Variants in TBCE observed in about 807,000 individuals in gnomAD.
TBCE encodes tubulin-specific chaperone E.
Under a neutral mutation model 77.0 loss-of-function variants are expected in TBCE, and 53 were observed. The observed-to-expected ratio is 0.69, with a 90% CI of 0.55 to 0.87. TBCE has a LOEUF of 0.87. TBCE is among the 40% of genes least tolerant of loss of function. The pLI, the probability that TBCE is intolerant of heterozygous loss-of-function variation, is 0.00. For missense variants in TBCE, 624 were observed against 622.4 expected (o/e 1.00, Z -0.03); for synonymous variants, 235 against 241.3 (o/e 0.97, Z 0.24).
At chr1:235,377,470 C>T (rs187691730) in intron 1 of TBCE, among the ~76,000 whole-genome samples, 12 of 152,204 alleles carry the variant, frequency 7.9e-5, no homozygotes, top group South Asian at 4.2e-4. Flanking sequence ...TGAGCCACCG[C>T]GCCCAGCCTA....
chr1:235,446,200 G>A (rs1351041468), intron 15 of TBCE, among the ~76,000 whole-genome samples: 1 of 151,480 alleles, frequency 6.6e-6, no homozygotes, highest in Admixed American at 6.6e-5. Flanking sequence ...TTTTGAGACG[G>A]AGTCTCATTC....
intron 6 of TBCE, 174 bp from the exon 7 acceptor site, chr1:235,430,531 G>C (rs1260053337): frequency 5.6e-6 from 3 of 533,272 alleles, no homozygotes; most frequent in Middle Eastern, 5.5e-4. Flanking sequence ...TAAAAATTAG[G>C]TAGTCTTGAT....
At chr1:235,375,557 A>C (rs983556283) in intron 1 of TBCE, among the ~76,000 whole-genome samples, 3 of 152,146 alleles carry the variant, frequency 2.0e-5, no homozygotes, top group African/African-American at 7.2e-5. Flanking sequence ...GTGGGCCAGT[A>C]ACAGCATCAA....
chr1:235,405,237 A>T (rs543315184), intron 3 of TBCE, among the ~76,000 whole-genome samples: 5 of 151,778 alleles, frequency 3.3e-5, no homozygotes, highest in Non-Finnish European at 7.4e-5. Flanking sequence ...TGCTGAGATT[A>T]TAGGCATGAG....
At chr1:235,396,296 G>C (rs1678714793) in intron 2 of TBCE, among the ~76,000 whole-genome samples, 1 of 152,014 alleles carries the variant, frequency 6.6e-6, no homozygotes, top group African/African-American at 2.4e-5. Flanking sequence ...CTGACCTCAT[G>C]ATCTGCCCGC....
chr1:235,405,160 G>A (rs950931784), intron 3 of TBCE, among the ~76,000 whole-genome samples: 1 of 151,048 alleles, frequency 6.6e-6, no homozygotes, highest in East Asian at 2.0e-4. Context: ...ACGGGGTTTC[G>A]CCATGTTGGC....
At position 235,437,454 on chromosome 1, in the gene TBCE, A is replaced by C. The variant is rs371612892; in HGVS notation, c.1096A>C (p.Lys366Gln). 1 of 1,614,014 alleles carries C rather than the reference A, an allele frequency of 6.2e-7. No homozygotes were observed. The highest frequency in any genetic ancestry group is 8.5e-7 in the Non-Finnish European group (1 of 1,180,016). Residue 366 changes from lysine (K) to glutamine (Q), a missense_variant, in exon 12 of 17, where the codon AAG becomes CAG. Transcript: ENST00000642610. ...CATTATCGCCAGCATTGGCCAGCTG[A>C]AGACGCTGAACAAATGTGAGGTGAG... is the stretch of plus-strand genomic sequence containing the variant. ...LLIIASIGQL[K>Q]TLNKCEILPE...
rs769918946 is a variant in TBCE at position 235,448,687 on chromosome 1, C to G, written c.1509C>G (p.Ile503Met). The change falls in exon 17 of 17, where the codon ATC (isoleucine) becomes ATG (methionine). Residue 503 changes from isoleucine to methionine, a missense_variant. By Grantham distance (10) the Ile-to-Met change is conservative. Transcript: ENST00000642610. ...YESPKKPGREIELENDLKSLQ... is the reference protein window; with the variant it reads ...YESPKKPGREMELENDLKSLQ... ...AATTTTAGAAGCCGGGCAGAGAAATCGAGCTGGAAAATGACCTAAAGTCAT... is the reference window on the plus strand; with the variant it reads ...AATTTTAGAAGCCGGGCAGAGAAATGGAGCTGGAAAATGACCTAAAGTCAT... 6 of 1,613,902 alleles carry G rather than the reference C, an allele frequency of 3.7e-6. No homozygotes were observed. The highest frequency in any genetic ancestry group is 4.2e-6 in the Non-Finnish European group (5 of 1,179,888).
In TBCE at chr1:235,438,776, C is replaced by T; in HGVS notation, c.1124C>T (p.Pro375Leu). ...LKTLNKCEIL[P>L]EERRRAELDY... is the part of the protein sequence containing the mutation. ...TATGTCACATGAACATAGATTCTCCCCGAGGAGAGGCGGAGAGCTGAGCTT... is the reference window on the plus strand; with the variant it reads ...TATGTCACATGAACATAGATTCTCCTCGAGGAGAGGCGGAGAGCTGAGCTT... The change falls in exon 13 of 17, where the codon CCC becomes CTC. Residue 375 changes from proline to leucine, a missense_variant. Coordinates refer to ENST00000642610, the MANE Select transcript of TBCE (RefSeq NM_003193.5). 1 of 1,614,116 alleles carries T rather than the reference C, an allele frequency of 6.2e-7. No homozygotes were observed. Among genetic ancestry groups the T allele is most frequent in the Non-Finnish European group, 8.5e-7 (1 of 1,180,040 alleles).
At chr1:235,407,416 C>A (rs1679512385) in intron 3 of TBCE, among the ~76,000 whole-genome samples, 1 of 152,096 alleles carries the variant, frequency 6.6e-6, no homozygotes, top group East Asian at 1.9e-4. Context: ...AGAAATGTTA[C>A]ATATTGTTCT....
rs61396968 is a variant in TBCE, at chr1:235,443,195, T to TACAC, written c.1399+296_1399+299dup. 1.0e-4 allele frequency among the ~76,000 whole-genome samples: 15 copies of TACAC among 149,632 alleles called. No individual in the cohort carries two copies. In the South Asian group the frequency reaches 1.5e-3, roughly 15 times the overall value. On this transcript the variant is annotated intron_variant, in intron 15 of 16. Coordinates refer to ENST00000642610, the MANE Select transcript of TBCE (RefSeq NM_003193.5). ...ACACACACACACACACATATATATA[T>TACAC]ACACACACACACACAATTTTTTTTG...
At chr1:235,417,353 C>G (rs1680165798) in intron 4 of TBCE, among the ~76,000 whole-genome samples, 1 of 152,176 alleles carries the variant, frequency 6.6e-6, no homozygotes, top group South Asian at 2.1e-4. Context: ...TCCTGTAGTT[C>G]TTTTCAATGA....
intron 3 of TBCE, among the ~76,000 whole-genome samples, chr1:235,402,024 T>G (rs1679140609): frequency 6.6e-6 from 1 of 151,946 alleles, no homozygotes; most frequent in Non-Finnish European, 1.5e-5. Flanking sequence ...AATAAATTTC[T>G]TATCATAGGA....
chr1:235,432,250 C>T (rs904189581), intron 7 of TBCE, among the ~76,000 whole-genome samples: 3 of 152,196 alleles, frequency 2.0e-5, no homozygotes, highest in Non-Finnish European at 2.9e-5. Context: ...TCCCAAAATG[C>T]TGGGATTACA....
At chr1:235,438,218 G>A (rs950593638) in intron 12 of TBCE, among the ~76,000 whole-genome samples, 5 of 152,226 alleles carry the variant, frequency 3.3e-5, no homozygotes, top group Non-Finnish European at 5.9e-5. Context: ...ACCTGGTGTA[G>A]TCCTGAAACT....
intron 3 of TBCE, among the ~76,000 whole-genome samples, chr1:235,402,065 C>CTTTT (rs55848781): frequency 1.5e-5 from 2 of 134,888 alleles, no homozygotes; most frequent in African/African-American, 2.7e-5. Flanking sequence ...ATTTCTTTGT[C>CTTTT]TTTTTTTTTT....
intron 7 of TBCE, 174 bp from the exon 8 acceptor site, chr1:235,434,030 T>G: frequency 9.3e-6 from 6 of 643,618 alleles, no homozygotes; most frequent in East Asian, 2.9e-5. Flanking sequence ...CCTTAACATT[T>G]TATTTATCAC....
At chr1:235,375,046 G>C (rs933292179) in intron 1 of TBCE, among the ~76,000 whole-genome samples, 4 of 145,654 alleles carry the variant, frequency 2.7e-5, no homozygotes, top group African/African-American at 1.0e-4. Flanking sequence ...TCAGCCTCCC[G>C]AGTAGCTGGG....
chr1:235,389,774 C>A (rs542351178), intron 2 of TBCE, among the ~76,000 whole-genome samples: 1 of 152,210 alleles, frequency 6.6e-6, no homozygotes, highest in East Asian at 1.9e-4. Flanking sequence ...GTTTAAAGCA[C>A]TTAGACCAGT....
Sources: allele counts gnomAD v4.1 joint callset (sites outside exome capture counted in the v4.1 genomes callset), GRCh38; gene constraint gnomAD v4.1.1; transcripts MANE v1.5; gene names NCBI Gene and HGNC (gene_info 2026-07-23, HGNC 2026-07-21).